The following UGT2B7 variants were observed in gnomAD, a reference collection of about 807,000 sequenced individuals.
The protein encoded by UGT2B7 is UDP-glucuronosyltransferase 2B7.
In UGT2B7, 51 loss-of-function variants were observed where a neutral mutation model predicts 51.9. The observed-to-expected ratio is 0.98, with a 90% CI of 0.78 to 1.24. The LOEUF (loss-of-function observed/expected upper bound fraction) is 1.24, where lower values mean the gene tolerates loss of function less well. Among genes scored for constraint, UGT2B7 ranks in the 50% most tolerant of loss-of-function variants. The pLI, the probability that UGT2B7 is intolerant of heterozygous loss-of-function variation, is 0.00. For missense variants in UGT2B7, 727 were observed against 628.4 expected, an observed-to-expected ratio of 1.16 and a Z score of -1.68; for synonymous variants, 225 against 211.6, an observed-to-expected ratio of 1.06 and a Z score of -0.55.
At chr4:69,058,035 C>T (rs557504250) in intron 1 of UGT2B7, among the ~76,000 whole-genome samples, 29 of 152,228 alleles carry the variant, frequency 1.9e-4, no homozygotes, top group Middle Eastern at 3.4e-3. Flanking sequence ...GCAGAATGCT[C>T]GCAGTTCAAG....
intron 1 of UGT2B7, among the ~76,000 whole-genome samples, chr4:69,067,787 C>A (rs373789280): frequency 5.3e-5 from 8 of 151,858 alleles, no homozygotes; most frequent in Non-Finnish European, 1.2e-4. Flanking sequence ...GTGTTTTTTT[C>A]GTTTGTTTTA....
At chr4:69,090,444 C>T (rs1015578403) in intron 2 of UGT2B7, among the ~76,000 whole-genome samples, 8 of 149,622 alleles carry the variant, frequency 5.3e-5, no homozygotes, top group Non-Finnish European at 1.0e-4. Flanking sequence ...AACATAAATT[C>T]TAAGTAACTT....
chr4:69,055,098 TAAA>T (rs1178892377), intron 1 of UGT2B7, among the ~76,000 whole-genome samples: 17 of 22,566 alleles, frequency 7.5e-4, no homozygotes, highest in South Asian at 2.4e-3. Flanking sequence ...AAGTAATAGC[TAAA>T]AAAAAAAAAA....
chr4:69,093,235 T>C (rs1213060489), upstream of UGT2B7, among the ~76,000 whole-genome samples: 1 of 152,172 alleles, frequency 6.6e-6, no homozygotes, highest in Non-Finnish European at 1.5e-5. Context: ...AGTCTGGCCA[T>C]GTTTTGGTAG....
At chr4:69,071,758 G>A (rs1478215885) in intron 1 of UGT2B7, among the ~76,000 whole-genome samples, 1 of 151,942 alleles carries the variant, frequency 6.6e-6, no homozygotes. Flanking sequence ...ACATAGTCTT[G>A]CCACTAGAAA....
chr4:69,096,414 T>G, upstream of UGT2B7: 1 of 1,549,482 alleles, frequency 6.5e-7, no homozygotes, highest in Middle Eastern at 1.7e-4. Flanking sequence ...GTACTTTGAC[T>G]TATAAGGGTT....
At chr4:69,083,642 A>G (rs4640729) in intron 1 of UGT2B7, among the ~76,000 whole-genome samples, 87,659 of 151,916 alleles carry the variant, frequency 0.58, 26,293 homozygotes, top group African/African-American at 0.71. Context: ...CATTTTTGTA[A>G]CTTTGTAAAT....
intron 1 of UGT2B7, among the ~76,000 whole-genome samples, chr4:69,053,238 T>G (rs1469342512): frequency 3.3e-5 from 5 of 152,208 alleles, no homozygotes; most frequent in Non-Finnish European, 5.9e-5. Flanking sequence ...TTATCTGGTA[T>G]AAAAATCATA....
At chr4:69,099,933 G>A (rs1279117080) in intron 2 of UGT2B7, among the ~76,000 whole-genome samples, 2 of 151,992 alleles carry the variant, frequency 1.3e-5, no homozygotes, top group Non-Finnish European at 2.9e-5. Flanking sequence ...TGAGCTACTT[G>A]AAATTCTAAA....
chr4:69,109,989 T>C (rs1211709724), intron 5 of UGT2B7, among the ~76,000 whole-genome samples: 2 of 151,964 alleles, frequency 1.3e-5, no homozygotes, highest in Non-Finnish European at 2.9e-5. Flanking sequence ...AAAAAAAATA[T>C]ATAAAGCAAA....
intron 5 of UGT2B7, among the ~76,000 whole-genome samples, chr4:69,111,701 T>G (rs142351692): frequency 5.8e-4 from 89 of 152,200 alleles, no homozygotes; most frequent in African/African-American, 2.0e-3. Context: ...ATATGTACCC[T>G]CAAAAACTTA....
chr4:69,088,263 T>C (rs1178299166), intron 1 of UGT2B7, among the ~76,000 whole-genome samples: 1 of 152,154 alleles, frequency 6.6e-6, no homozygotes, highest in African/African-American at 2.4e-5. Flanking sequence ...ATATTTTTTA[T>C]TAATTGGATT....
At chr4:69,087,011 T>G (rs1170909972) in intron 1 of UGT2B7, among the ~76,000 whole-genome samples, 3 of 151,814 alleles carry the variant, frequency 2.0e-5, no homozygotes, top group Admixed American at 1.3e-4. Flanking sequence ...TTGTTAATTG[T>G]TTTCTAGGTT....
intron 1 of UGT2B7, among the ~76,000 whole-genome samples, chr4:69,071,493 A>G (rs1314152316): frequency 2.0e-5 from 3 of 152,130 alleles, no homozygotes; most frequent in Non-Finnish European, 4.4e-5. Flanking sequence ...CTTTGGACTC[A>G]GAACAAGGTT....
Position 69,107,173 on chromosome 4 carries a change from A to T in UGT2B7, c.1003-2A>T, listed in dbSNP as rs1719625321. On this transcript the variant is annotated splice_acceptor_variant, in intron 3 of 5. Coordinates refer to ENST00000305231, the MANE Select transcript of UGT2B7 (RefSeq NM_001074.4). LOFTEE classifies it high-confidence loss of function. ...AATAAAATATTTTCTTTATTGTAAC[A>T]GGTTCTGTGGAGATTTGATGGGAAT... 7 of 1,606,644 alleles carry T rather than the reference A, an allele frequency of 4.4e-6. No homozygotes were observed. The Admixed American group carries it at 6.8e-5, about 16-fold the overall frequency.
intron 2 of UGT2B7, among the ~76,000 whole-genome samples, chr4:69,091,355 T>C (rs369176943): frequency 1.3e-5 from 2 of 152,250 alleles, no homozygotes; most frequent in South Asian, 4.1e-4. Context: ...AGAAAGTGTG[T>C]GTATGTTTGT....
chr4:69,070,293 A>G (rs976862597), intron 1 of UGT2B7, among the ~76,000 whole-genome samples: 46 of 147,712 alleles, frequency 3.1e-4, no homozygotes, highest in African/African-American at 1.1e-3. Context: ...AAATATACTT[A>G]TATATTGTAT....
At chr4:69,106,426 T>G (rs1719601402) in intron 3 of UGT2B7, among the ~76,000 whole-genome samples, 1 of 152,164 alleles carries the variant, frequency 6.6e-6, no homozygotes, top group Non-Finnish European at 1.5e-5. Flanking sequence ...GCAAAATACA[T>G]AATTTTGTTC....
At chr4:69,108,069 A>G (rs768744149) in intron 4 of UGT2B7, 34 bp from the exon 5 acceptor site, 17 of 1,604,102 alleles carry the variant, frequency 1.1e-5, no homozygotes, top group Admixed American at 1.7e-5. Flanking sequence ...TTTTATTCCT[A>G]TGAGTAATTT....
Sources: allele counts gnomAD v4.1 joint callset (sites outside exome capture counted in the v4.1 genomes callset), GRCh38; gene constraint gnomAD v4.1.1; transcripts MANE v1.5; gene names NCBI Gene and HGNC (gene_info 2026-07-23, HGNC 2026-07-21).